Variants in GPHN observed in about 807,000 individuals in gnomAD.
GPHN encodes the protein gephyrin.
A neutral mutation model predicts 95.5 loss-of-function variants in GPHN; 17 were observed. That is an observed-to-expected ratio of 0.18 (90% CI 0.12 to 0.27). The LOEUF (loss-of-function observed/expected upper bound fraction) is 0.27, where lower values mean the gene tolerates loss of function less well. Ranked by LOEUF, GPHN falls within the 10% of genes least tolerant of loss-of-function variation. GPHN has a pLI of 1.00. For synonymous variants in GPHN, 320 were observed against 322.5 expected (o/e 0.99, Z 0.08); for missense variants, 660 against 978.1 (o/e 0.67, Z 4.34).
the GPHN span, among the ~76,000 whole-genome samples, chr14:67,481,793 C>T: frequency 1.3e-5 from 2 of 152,212 alleles, no homozygotes; most frequent in Admixed American, 6.5e-5. Flanking sequence ...TAGCTCCTTG[C>T]TCAGCCCTGG....
At chr14:66,688,417 T>C (rs564224148) in intron 2 of GPHN, among the ~76,000 whole-genome samples, 44 of 152,326 alleles carry the variant, frequency 2.9e-4, no homozygotes, top group African/African-American at 8.4e-4. Context: ...CAAGTCTGTA[T>C]TGTTCAAGGG....
chr14:67,353,848 G>T, the GPHN span: 1 of 152,080 alleles, frequency 6.6e-6, no homozygotes, highest in Non-Finnish European at 1.5e-5. Context: ...GATTGCAGTG[G>T]TATGATCATA....
chr14:66,998,668 T>G (rs879905935), intron 9 of GPHN, among the ~76,000 whole-genome samples: 3 of 152,012 alleles, frequency 2.0e-5, no homozygotes, highest in Non-Finnish European at 4.4e-5. Context: ...TTACCTTCAC[T>G]ATTGTAGAAA....
intron 1 of GPHN, among the ~76,000 whole-genome samples, chr14:66,603,488 C>T (rs1452876463): frequency 6.6e-6 from 1 of 151,772 alleles, no homozygotes; most frequent in Admixed American, 6.6e-5. Context: ...CCACTGAATG[C>T]CTGTATCATA....
chr14:67,145,256 AACGTTTATCTTT>A (rs2080833244), intron 18 of GPHN, among the ~76,000 whole-genome samples: 1 of 152,202 alleles, frequency 6.6e-6, no homozygotes, highest in Non-Finnish European at 1.5e-5. Context: ...GCAGAACTAA[AACGTTTATCTTT>A]TCTAGTACTC....
the GPHN span, among the ~76,000 whole-genome samples, chr14:67,368,530 T>C: frequency 6.6e-6 from 1 of 152,194 alleles, no homozygotes; most frequent in Non-Finnish European, 1.5e-5. Context: ...GGCTCTGTGA[T>C]TAATGGATGC....
intron 1 of GPHN, among the ~76,000 whole-genome samples, chr14:66,676,761 C>T (rs1472388262): frequency 2.0e-5 from 3 of 149,682 alleles, no homozygotes; most frequent in African/African-American, 7.4e-5. Context: ...TGGATACTGA[C>T]CTCTAGTTTT....
At chr14:66,977,893 G>A (rs2070370098) in intron 9 of GPHN, among the ~76,000 whole-genome samples, 1 of 152,088 alleles carries the variant, frequency 6.6e-6, no homozygotes, top group African/African-American at 2.4e-5. Context: ...AAGCCAACTA[G>A]AGTTATTTAT....
the GPHN span, among the ~76,000 whole-genome samples, chr14:67,540,916 A>G: frequency 6.6e-6 from 1 of 152,256 alleles, no homozygotes; most frequent in East Asian, 1.9e-4. Context: ...AAATATGTCC[A>G]GAAGGCATCT....
chr14:66,647,930 G>C (rs181429886), intron 1 of GPHN, among the ~76,000 whole-genome samples: 1 of 152,168 alleles, frequency 6.6e-6, no homozygotes, highest in Admixed American at 6.5e-5. Flanking sequence ...AAAGGAAGTT[G>C]CTATTACCTG....
chr14:67,550,561 T>C, the GPHN span, among the ~76,000 whole-genome samples: 1 of 152,218 alleles, frequency 6.6e-6, no homozygotes, highest in African/African-American at 2.4e-5. Flanking sequence ...ACTCAAATGT[T>C]TGCAGTTAAT....
intron 1 of GPHN, among the ~76,000 whole-genome samples, chr14:66,589,081 AC>A (rs944249151): frequency 1.3e-5 from 2 of 152,250 alleles, no homozygotes; most frequent in Admixed American, 6.5e-5. Flanking sequence ...CCAATATTCA[AC>A]CTTCTGAAAA....
At chr14:67,561,881 A>C in the GPHN span, 1 of 1,207,514 alleles carries the variant, frequency 8.3e-7, no homozygotes, top group Admixed American at 2.2e-5. Context: ...AAAAAAAAAA[A>C]AAAAAGAATT....
chr14:66,725,936 G>A (rs979295143), intron 2 of GPHN, among the ~76,000 whole-genome samples: 5 of 152,138 alleles, frequency 3.3e-5, no homozygotes, highest in Non-Finnish European at 7.4e-5. Context: ...TTTGATGTTT[G>A]TATTGTACCA....
intron 2 of GPHN, among the ~76,000 whole-genome samples, chr14:66,682,403 A>T (rs2066991783): frequency 6.6e-6 from 1 of 152,190 alleles, no homozygotes; most frequent in Admixed American, 6.5e-5. Context: ...ATCCTTATGG[A>T]TATGGGTGGA....
At chr14:67,434,201 A>G in the GPHN span, among the ~76,000 whole-genome samples, 1 of 152,222 alleles carries the variant, frequency 6.6e-6, no homozygotes, top group African/African-American at 2.4e-5. Context: ...CCCACCATGT[A>G]TCTTGAATTT....
chr14:67,350,809 G>T, the GPHN span: 2 of 949,042 alleles, frequency 2.1e-6, no homozygotes, highest in South Asian at 1.8e-5. Flanking sequence ...TGTAAATATT[G>T]GTTTGATAAC....
chr14:66,622,524 G>A (rs1022712953), intron 1 of GPHN, among the ~76,000 whole-genome samples: 5 of 152,098 alleles, frequency 3.3e-5, no homozygotes, highest in East Asian at 1.9e-4. Context: ...CTTTCGCATT[G>A]TCAGGCTACA....
the GPHN span, among the ~76,000 whole-genome samples, chr14:67,455,376 G>A: frequency 3.3e-5 from 5 of 151,804 alleles, no homozygotes; most frequent in African/African-American, 4.8e-5. Flanking sequence ...ACTGTGGCTC[G>A]CAGTTAATGA....
Sources: gnomAD v4.1 joint callset for allele counts (sites outside exome capture counted in the v4.1 genomes callset) on GRCh38, gnomAD v4.1.1 for gene constraint, MANE v1.5 for transcripts, NCBI Gene and HGNC (gene_info 2026-07-23, HGNC 2026-07-21) for gene names.